The following ERCC5 variants were observed in gnomAD, a reference collection of about 807,000 sequenced individuals.
ERCC5 encodes the protein ERCC excision repair 5, endonuclease, also known as DNA excision repair protein ERCC-5.
ERCC5 carries 68 observed loss-of-function variants against 105.6 expected under a neutral mutation model. The ratio of observed to expected loss-of-function variants is 0.64; its 90% CI spans 0.53 to 0.79. ERCC5 has a LOEUF of 0.79. Among genes scored for constraint, ERCC5 ranks in the 30% least tolerant of loss-of-function variants. ERCC5 has a pLI of 0.00. For synonymous variants in ERCC5, 546 were observed against 526.2 expected (o/e 1.04, Z -0.51); for missense variants, 1,373 against 1,426.7 (o/e 0.96, Z 0.61).
intron 1 of ERCC5, among the ~76,000 whole-genome samples, chr13:102,848,404 G>A (rs962521424): frequency 6.6e-6 from 1 of 152,074 alleles, no homozygotes; most frequent in Non-Finnish European, 1.5e-5. Context: ...ATATAGCTTA[G>A]TGTCTTATTT....
chr13:102,853,526 G>A (rs1199331131), intron 2 of ERCC5, among the ~76,000 whole-genome samples: 2 of 152,326 alleles, frequency 1.3e-5, no homozygotes, highest in Non-Finnish European at 2.9e-5. Flanking sequence ...AGTAAATTAA[G>A]TTTCCCAAAT....
chr13:102,862,871 T>C lies in ERCC5; in HGVS notation c.1722T>C (p.Ala574=), dbSNP rs752916067. The change falls in exon 8 of 15, where the codon GCT becomes GCC. Residue 574 remains alanine, a synonymous_variant. Coordinates refer to ENST00000652225, the MANE Select transcript of ERCC5 (RefSeq NM_000123.4). ...AAACAAAATGTAAACCGAATTCTGC[T>C]TCTGAAGTCATTGGCCCTGTCAGTT... The part of the protein sequence containing the change: ...DDETKCKPNS[A]SEVIGPVSLQ... 1.9e-6 allele frequency: 3 copies of C among 1,614,236 alleles called. No homozygotes were observed. Among genetic ancestry groups the C allele is most frequent in the Non-Finnish European group, 2.5e-6 (3 of 1,180,042 alleles).
chr13:102,851,363 C>T (rs1189286702), intron 1 of ERCC5, among the ~76,000 whole-genome samples: 4 of 152,124 alleles, frequency 2.6e-5, no homozygotes, highest in African/African-American at 4.8e-5. Flanking sequence ...GGCGCGATCT[C>T]GGCTCACTGC....
rs2140528595 is a variant in ERCC5 at position 102,862,935 on chromosome 13, G to A, written c.1786G>A (p.Ala596Thr). 6.2e-7 allele frequency: 1 copy of A among 1,614,230 alleles called. No individual in the cohort carries two copies. Among genetic ancestry groups the A allele is most frequent in the East Asian group, 2.2e-5 (1 of 44,882 alleles). ...TAGCATAGTAAGTGTCCCTTCAGAGGCAGTAGATAATGTGGAAAATGTGGT... is the reference window on the plus strand; with the variant it reads ...TAGCATAGTAAGTGTCCCTTCAGAGACAGTAGATAATGTGGAAAATGTGGT... ...TSSIVSVPSEAVDNVENVVSF... is the reference protein window; with the variant it reads ...TSSIVSVPSETVDNVENVVSF... The change falls in exon 8 of 15, where the codon GCA becomes ACA. Residue 596 changes from alanine to threonine, a missense_variant. Physicochemically the swap from Ala to Thr is moderately conservative, Grantham distance 58. Coordinates refer to ENST00000652225, the MANE Select transcript of ERCC5 (RefSeq NM_000123.4).
At chr13:102,857,673 T>G (rs1398222238) in intron 5 of ERCC5, among the ~76,000 whole-genome samples, 1 of 152,232 alleles carries the variant, frequency 6.6e-6, no homozygotes, top group Non-Finnish European at 1.5e-5. Context: ...TAAAACTAAC[T>G]TAATTATGGG....
chr13:102,863,208 G>T (rs1882712460), intron 8 of ERCC5, 105 bp downstream of exon 8: 1 of 1,281,288 alleles, frequency 7.8e-7, no homozygotes, highest in Non-Finnish European at 1.1e-6. Context: ...TACAGATAAG[G>T]AACGAGAGAC....
rs749014983 is a variant in ERCC5, at chr13:102,868,167, C to G, written c.2588C>G (p.Thr863Ser). Residue 863 changes from threonine to serine, a missense_variant, in exon 12 of 15, where the codon ACC (threonine) becomes AGC (serine). Physicochemically the swap from Thr to Ser is moderately conservative, Grantham distance 58 (BLOSUM62 1). Coordinates refer to ENST00000652225, the MANE Select transcript of ERCC5 (RefSeq NM_000123.4). ...GCTTATTTGCTTGGAAGTGATTATA[C>G]CGAAGGAATACCAACTGTGGGTTGT... ...NLAYLLGSDYTEGIPTVGCVT... is the reference protein window; with the variant it reads ...NLAYLLGSDYSEGIPTVGCVT... The G allele has an allele frequency of 6.2e-7, 1 of 1,614,136 alleles. No homozygotes were observed. Among genetic ancestry groups the G allele is most frequent in the East Asian group, 2.2e-5 (1 of 44,874 alleles).
intron 6 of ERCC5, chr13:102,859,071 A>T (rs986556762): frequency 2.9e-6 from 1 of 343,488 alleles, no homozygotes; most frequent in Non-Finnish European, 5.9e-6. Flanking sequence ...GTTGGGTGCT[A>T]GCAAATGTGT....
rs371780084 is a variant in ERCC5 at position 102,861,659 on chromosome 13, G to A, written c.825G>A (p.Glu275=). 11 of 1,614,114 alleles carry A rather than the reference G, an allele frequency of 6.8e-6. No homozygotes were observed. The highest frequency in any genetic ancestry group is 1.7e-5 in the Admixed American group (1 of 60,022). The change falls in exon 7 of 15, where the codon GAG becomes GAA. Residue 275 remains glutamate, a synonymous_variant. Coordinates refer to ENST00000652225, the MANE Select transcript of ERCC5 (RefSeq NM_000123.4). ...QYEDEGGFLK[E]VESRRVVSED... ...AAGATGAAGGGGGCTTTCTGAAGGA[G>A]GTAGAGTCAAGGAGAGTGGTCTCTG...
At chr13:102,863,205 A>T in intron 8 of ERCC5, 102 bp downstream of exon 8, 1 of 1,306,256 alleles carries the variant, frequency 7.7e-7, no homozygotes, top group Non-Finnish European at 1.1e-6. Context: ...TTTTACAGAT[A>T]AGGAACGAGA....
chr13:102,868,434 T>A (rs1448380390), intron 12 of ERCC5, among the ~76,000 whole-genome samples, 177 bp downstream of exon 12: 1 of 152,182 alleles, frequency 6.6e-6, no homozygotes, highest in Non-Finnish European at 1.5e-5. Flanking sequence ...TCAGAGTCAG[T>A]TCTTAGTGGT....
intron 9 of ERCC5, 118 bp downstream of exon 9, chr13:102,866,029 TG>T (rs1353611498): frequency 1.3e-6 from 2 of 1,583,360 alleles, no homozygotes; most frequent in Non-Finnish European, 1.7e-6. Context: ...ATCTTGTGGT[TG>T]CTGATGGCTT....
At position 102,865,565 on chromosome 13, in the gene ERCC5, AGGATGTAGCAT is replaced by A. The variant is rs1882801331; in HGVS notation, c.1955-101_1955-91del. The A allele has an allele frequency of 3.1e-5, 46 of 1,483,486 alleles. No homozygotes were observed. Among genetic ancestry groups the A allele is most frequent in the Non-Finnish European group, 4.1e-5 (45 of 1,086,418 alleles). 91.9% of individuals were successfully genotyped at this position (1,483,486 alleles called of 1,614,324 possible). A position where few individuals can be genotyped will look rare whatever the true frequency, so the allele number is the denominator to read the frequency against. ...TGTTATAGTCATATCTTTCCTTTTT[AGGATGTAGCAT>A]TTTTCAGGTTCCTCCAGAAAGCTCT... On this transcript the variant is annotated intron_variant, in intron 8 of 14. Coordinates refer to ENST00000652225, the MANE Select transcript of ERCC5 (RefSeq NM_000123.4). The surrounding 1 kb of genome is among the most constrained non-coding windows in gnomAD (Gnocchi z 4.0).
chr13:102,875,876 T>C lies in ERCC5; in HGVS notation c.3534T>C (p.Arg1178=). The part of the protein sequence containing the change: ...VFGKKRRKLR[R]ARGRKRKT The stretch of plus-strand genomic sequence containing the variant: ...GGAAGAAAAGAAGGAAACTAAGACG[T>C]GCGAGGGGAAGAAAAAGGAAAACCT... The change falls in exon 15 of 15, where the codon CGT becomes CGC. Residue 1178 remains arginine (R), a synonymous_variant. Transcript: ENST00000652225. 1 of 1,610,544 alleles carries C rather than the reference T, an allele frequency of 6.2e-7. No individual in the cohort carries two copies. The highest frequency in any genetic ancestry group is 8.5e-7 in the Non-Finnish European group (1 of 1,179,976).
intron 1 of ERCC5, among the ~76,000 whole-genome samples, chr13:102,850,676 G>A (rs1882169038): frequency 6.6e-6 from 1 of 152,212 alleles, no homozygotes. Flanking sequence ...ATGGGGGCAT[G>A]AGCAGCTGAG....
chr13:102,871,557 TTAAG>T (rs1445036236), intron 12 of ERCC5, among the ~76,000 whole-genome samples: 1 of 152,148 alleles, frequency 6.6e-6, no homozygotes, highest in Non-Finnish European at 1.5e-5. Flanking sequence ...GAATCATACT[TTAAG>T]TAGAGTTCTA....
rs1332974943 is a variant in ERCC5 at position 102,875,336 on chromosome 13, A to G, written c.2994A>G (p.Arg998=). 6.2e-7 allele frequency: 1 copy of G among 1,613,854 alleles called. No individual in the cohort carries two copies. The highest frequency in any genetic ancestry group is 8.5e-7 in the Non-Finnish European group (1 of 1,180,018). ...AGCTCCGAATTGATTCCTTCTTTAG[A>G]TTAGCACAACAGGAGAAAGAAGATG... ...QTQLRIDSFF[R]LAQQEKEDAK... The change falls in exon 15 of 15, where the codon AGA becomes AGG. Residue 998 remains arginine, a synonymous_variant. Transcript: ENST00000652225.
At chr13:102,852,801 G>T (rs1256815950) in intron 2 of ERCC5, among the ~76,000 whole-genome samples, 1 of 152,206 alleles carries the variant, frequency 6.6e-6, no homozygotes, top group Non-Finnish European at 1.5e-5. Context: ...GAGTCAGAAT[G>T]AGTTGCTGCT....
chr13:102,866,740 G>T lies in ERCC5; in HGVS notation c.2428G>T (p.Asp810Tyr). 6.2e-7 allele frequency: 1 copy of T among 1,614,268 alleles called. No individual in the cohort carries two copies. Among genetic ancestry groups the T allele is most frequent in the Non-Finnish European group, 8.5e-7 (1 of 1,180,038 alleles). ...TDQTSGTITD[D>Y]SDIWLFGARH... ...TCAGACTTCCGGAACCATCACTGAT[G>T]ACAGTGATATCTGGCTGTTTGGAGC... The change falls in exon 11 of 15, where the codon GAC (aspartate) becomes TAC (tyrosine). Residue 810 changes from aspartate (D) to tyrosine (Y), a missense_variant. Transcript: ENST00000652225.
Sources: allele counts gnomAD v4.1 joint callset (sites outside exome capture counted in the v4.1 genomes callset), GRCh38; gene constraint gnomAD v4.1.1; non-coding constraint Gnocchi (gnomAD v3.1); transcripts MANE v1.5; gene names NCBI Gene and HGNC (gene_info 2026-07-23, HGNC 2026-07-21).